KLF12: variants seen among roughly 807,000 people sequenced by gnomAD.
KLF12 encodes KLF transcription factor 12.
In KLF12, 9 loss-of-function variants were observed where a neutral mutation model predicts 37.8. The observed-to-expected ratio is 0.24, with a 90% CI of 0.14 to 0.42. The LOEUF (loss-of-function observed/expected upper bound fraction) is 0.42, where lower values mean the gene tolerates loss of function less well. Among genes scored for constraint, KLF12 ranks in the 10% least tolerant of loss-of-function variants. The pLI, the probability that KLF12 is intolerant of heterozygous loss-of-function variation, is 1.00. For missense variants in KLF12, 411 were observed against 516.0 expected (o/e 0.80, Z 1.97); for synonymous variants, 208 against 202.1 (o/e 1.03, Z -0.25).
At chr13:73,720,771 C>A (rs912338574) in intron 6 of KLF12, among the ~76,000 whole-genome samples, 7 of 152,056 alleles carry the variant, frequency 4.6e-5, no homozygotes, top group African/African-American at 1.7e-4. Flanking sequence ...CACATGGCTG[C>A]CATGAAAGAA....
At chr13:74,099,591 A>G (rs1876192461) in intron 1 of KLF12, among the ~76,000 whole-genome samples, 1 of 152,196 alleles carries the variant, frequency 6.6e-6, no homozygotes. Flanking sequence ...TGAAATACCA[A>G]TTAATTCATG....
rs927666228 is a variant in KLF12, at chr13:73,930,933, G to A, written c.123+13048C>T. The stretch of plus-strand genomic sequence containing the variant: ...GGCTGGAGTGCAATGGCGCGATCTC[G>A]GCTCACAACATCCTTCGGGTTCAAG... On this transcript the variant is annotated intron_variant, in intron 3 of 7. Transcript: ENST00000377669. 2.7e-4 allele frequency among the ~76,000 whole-genome samples: 37 copies of A among 138,238 alleles called. 1 individual carries two copies. The highest frequency in any genetic ancestry group is 4.3e-4 in the East Asian group (2 of 4,670). 90.7% of individuals were successfully genotyped at this position (138,238 alleles called of 152,430 possible).
intron 7 of KLF12, among the ~76,000 whole-genome samples, chr13:73,714,051 A>G (rs1214300105): frequency 6.6e-6 from 1 of 152,214 alleles, no homozygotes; most frequent in East Asian, 1.9e-4. Context: ...TCTTTGCCTT[A>G]ATGATAAAGG....
chr13:74,105,765 C>CA (rs1876618999), intron 1 of KLF12, among the ~76,000 whole-genome samples: 1 of 152,116 alleles, frequency 6.6e-6, no homozygotes, highest in African/African-American at 2.4e-5. Context: ...ATTCAACACT[C>CA]AAGCACTGAA....
At chr13:73,773,550 G>C (rs1880400715) in intron 5 of KLF12, among the ~76,000 whole-genome samples, 1 of 150,654 alleles carries the variant, frequency 6.6e-6, no homozygotes, top group South Asian at 2.1e-4. Context: ...CCACAAACAG[G>C]GATGGCTATG....
intron 1 of KLF12, among the ~76,000 whole-genome samples, chr13:74,084,320 C>G (rs1015110525): frequency 6.6e-6 from 1 of 152,198 alleles, no homozygotes; most frequent in Non-Finnish European, 1.5e-5. Flanking sequence ...CACTCTATTA[C>G]AAATGCAGCA....
intron 2 of KLF12, among the ~76,000 whole-genome samples, chr13:73,945,769 C>G: frequency 6.6e-6 from 1 of 152,114 alleles, no homozygotes; most frequent in Non-Finnish European, 1.5e-5. Flanking sequence ...CATAAATGTT[C>G]AATATTTTCA....
At chr13:73,930,744 T>C (rs1321640842) in intron 3 of KLF12, among the ~76,000 whole-genome samples, 1 of 151,890 alleles carries the variant, frequency 6.6e-6, no homozygotes, top group Admixed American at 6.6e-5. Flanking sequence ...TTTTACAGTA[T>C]AAACAGACTG....
intron 5 of KLF12, among the ~76,000 whole-genome samples, chr13:73,780,860 T>C (rs529273062): frequency 1.3e-5 from 2 of 152,252 alleles, no homozygotes; most frequent in African/African-American, 4.8e-5. Context: ...ACAAAGGATT[T>C]AGAAGATTAC....
the KLF12 span, among the ~76,000 whole-genome samples, chr13:74,208,934 G>T: frequency 2.0e-5 from 3 of 152,154 alleles, no homozygotes; most frequent in Non-Finnish European, 4.4e-5. Flanking sequence ...CAGCTTAAGT[G>T]CTGTGGAAGA....
At chr13:74,191,529 G>C in the KLF12 span, among the ~76,000 whole-genome samples, 1 of 152,152 alleles carries the variant, frequency 6.6e-6, no homozygotes, top group Non-Finnish European at 1.5e-5. Context: ...TGCCTCCTAG[G>C]TTAATGAGAG....
the KLF12 span, among the ~76,000 whole-genome samples, chr13:74,218,587 A>G: frequency 1.9e-3 from 294 of 152,250 alleles, 2 homozygotes; most frequent in South Asian, 2.7e-3. Flanking sequence ...CATCGAACTC[A>G]GGTAAACTTG....
intron 1 of KLF12, among the ~76,000 whole-genome samples, chr13:74,127,146 G>A (rs1454578177): frequency 6.6e-6 from 1 of 152,128 alleles, no homozygotes; most frequent in Non-Finnish European, 1.5e-5. Flanking sequence ...TGGGAATACA[G>A]GCACACGCCA....
chr13:74,070,455 C>G, intron 1 of KLF12, among the ~76,000 whole-genome samples: 1 of 152,128 alleles, frequency 6.6e-6, no homozygotes. Flanking sequence ...GGGCAAGAGT[C>G]TTTTCTAGAG....
chr13:73,724,369 T>G (rs57295846), intron 6 of KLF12, among the ~76,000 whole-genome samples: 1 of 151,976 alleles, frequency 6.6e-6, no homozygotes, highest in Non-Finnish European at 1.5e-5. Flanking sequence ...GAGGGGAACA[T>G]CACACCTGGG....
At chr13:73,736,197 C>G (rs1877454809) in intron 6 of KLF12, among the ~76,000 whole-genome samples, 1 of 152,122 alleles carries the variant, frequency 6.6e-6, no homozygotes, top group African/African-American at 2.4e-5. Flanking sequence ...CTTGGTTCCT[C>G]CATTCAAGGA....
At chr13:74,153,312 C>T in the KLF12 span, among the ~76,000 whole-genome samples, 6 of 152,104 alleles carry the variant, frequency 3.9e-5, no homozygotes, top group East Asian at 1.9e-4. Flanking sequence ...TTTGAAATCA[C>T]GAGTTGAACT....
chr13:74,162,412 C>T, the KLF12 span, among the ~76,000 whole-genome samples: 1 of 152,208 alleles, frequency 6.6e-6, no homozygotes, highest in Non-Finnish European at 1.5e-5. Context: ...TTCTGCTCTA[C>T]CACTGACTTC....
chr13:74,188,443 C>T, the KLF12 span, among the ~76,000 whole-genome samples: 6 of 152,092 alleles, frequency 3.9e-5, no homozygotes, highest in South Asian at 2.1e-4. Flanking sequence ...GAAAGTTCAA[C>T]GGTTCTAAGT....
Sources: gnomAD v4.1 joint callset for allele counts (sites outside exome capture counted in the v4.1 genomes callset) on GRCh38, gnomAD v4.1.1 for gene constraint, MANE v1.5 for transcripts, NCBI Gene and HGNC (gene_info 2026-07-23, HGNC 2026-07-21) for gene names.